C6orf120: variants seen among roughly 807,000 people sequenced by gnomAD.
C6orf120 encodes chromosome 6 open reading frame 120.
For missense variants in C6orf120, 311 were observed against 264.2 expected, an observed-to-expected ratio of 1.18 and a Z score of -1.23; for synonymous variants, 165 against 123.1, an observed-to-expected ratio of 1.34 and a Z score of -2.25.
At chr6:169,702,141 G>A (rs1429353209), upstream of C6orf120, 38 of 597,132 alleles carry the variant, frequency 6.4e-5, no homozygotes, top group Admixed American at 7.9e-4. Context: ...CGCCTCCGGC[G>A]AGGCTCCGGC....
exon 1 of C6orf120, chr6:169,702,232 C>G (rs372586600): frequency 7.1e-4 from 487 of 690,248 alleles, no homozygotes; most frequent in African/African-American, 6.1e-3. Context: ...CCTGCCCCTG[C>G]CCCTGCCCCT....
At chr6:169,704,160 C>T (rs1192850270) in exon 1 of C6orf120, 1 of 1,130,610 alleles carries the variant, frequency 8.8e-7, no homozygotes, top group Non-Finnish European at 1.2e-6. Flanking sequence ...CATCTAAACT[C>T]TTCTGCCTTA....
exon 1 of C6orf120, chr6:169,703,714 T>A (rs916052204): frequency 5.0e-6 from 2 of 398,464 alleles, no homozygotes; most frequent in Non-Finnish European, 9.2e-6. Flanking sequence ...ATTAGGAAGT[T>A]TCATGAAAAT....
exon 1 of C6orf120, chr6:169,703,909 CAAA>C: frequency 9.6e-7 from 1 of 1,038,272 alleles, no homozygotes; most frequent in South Asian, 1.7e-5. Context: ...TCATAATTTG[CAAA>C]AAAAATCTTT....
chr6:169,704,036 C>A, exon 1 of C6orf120: 1 of 1,600,082 alleles, frequency 6.2e-7, no homozygotes, highest in Non-Finnish European at 8.5e-7. Context: ...CCCTTCTGCC[C>A]ACTTTCCTGG....
chr6:169,704,296 AG>A (rs1316545821), exon 1 of C6orf120: 21 of 510,396 alleles, frequency 4.1e-5, no homozygotes, highest in Non-Finnish European at 6.9e-5. Context: ...TTGCAAGTCA[AG>A]GGGGATGGGA....
rs1376323874 is a variant in C6orf120, at chr6:169,702,426, C to T, written c.-34C>T. Reference sequence around the variant, plus strand: ...CCTCCGGTGTCCCCAGCAGCACTGACCCACTTGCAGGCCCCGGAGCTGAGC... The same window carrying T: ...CCTCCGGTGTCCCCAGCAGCACTGATCCACTTGCAGGCCCCGGAGCTGAGC... On this transcript the variant is annotated 5_prime_UTR_variant, in exon 1 of 1. Coordinates refer to ENST00000332290, the Ensembl canonical transcript of C6orf120. The T allele has an allele frequency of 2.2e-6, 3 of 1,344,918 alleles. No homozygotes were observed. In the East Asian group the frequency reaches 7.5e-5, roughly 34 times the overall value. 83.3% of individuals were successfully genotyped at this position (1,344,918 alleles called of 1,614,324 possible). A position where few individuals can be genotyped will look rare whatever the true frequency, so the allele number is the denominator to read the frequency against.
exon 1 of C6orf120, chr6:169,704,789 A>G (rs1196407835): frequency 3.1e-5 from 6 of 192,022 alleles, no homozygotes; most frequent in Non-Finnish European, 7.0e-5. Context: ...ATTTCTATAG[A>G]AATGTATAAA....
downstream of C6orf120, chr6:169,704,994 G>A (rs1788727726): frequency 3.6e-6 from 2 of 558,764 alleles, no homozygotes; most frequent in South Asian, 7.3e-5. Flanking sequence ...GACATGACCT[G>A]TATAATCACA....
At chr6:169,705,076 A>C (rs1788731784), downstream of C6orf120, 3 of 1,313,470 alleles carry the variant, frequency 2.3e-6, no homozygotes, top group Non-Finnish European at 3.2e-6. Context: ...AGCCTTTTGG[A>C]GTGCTGGGAG....
chr6:169,703,102 C>T, exon 1 of C6orf120: 1 of 1,454,368 alleles, frequency 6.9e-7, no homozygotes, highest in Non-Finnish European at 9.3e-7. Context: ...TGCTGTGAAC[C>T]TTGCTACTTG....
rs768788859 is a variant in C6orf120, at chr6:169,704,076, C to A, written c.*1041C>A. ...TGGGGGGGCCCGCTGACAACAGTCA[C>A]AAATCCAGCGACCTAGGAAAAAAAT... On this transcript the variant is annotated 3_prime_UTR_variant, in exon 1 of 1. Transcript: ENST00000332290. The A allele has an allele frequency of 3.8e-6, 6 of 1,579,244 alleles. No homozygotes were observed. The highest frequency in any genetic ancestry group is 1.4e-5 in the African/African-American group (1 of 72,366).
downstream of C6orf120, chr6:169,705,063 T>G (rs1788731244): frequency 1.7e-6 from 2 of 1,179,742 alleles, no homozygotes; most frequent in East Asian, 4.8e-5. Flanking sequence ...ATAGCGTTTA[T>G]GCAGCCTTTT....
chr6:169,703,863 C>T (rs1169006132), exon 1 of C6orf120: 6 of 643,958 alleles, frequency 9.3e-6, no homozygotes, highest in African/African-American at 2.0e-5. Flanking sequence ...CGAGAGTAAG[C>T]GTAGCTTTTA....
exon 1 of C6orf120, chr6:169,702,893 G>T: frequency 1.2e-6 from 2 of 1,611,984 alleles, no homozygotes; most frequent in Non-Finnish European, 1.7e-6. Flanking sequence ...CACCCGTTCG[G>T]CGAGGCCGCC....
downstream of C6orf120, chr6:169,705,212 A>G (rs1441892714): frequency 2.5e-6 from 4 of 1,613,786 alleles, no homozygotes; most frequent in African/African-American, 1.3e-5. Context: ...TTTCTTCTTC[A>G]TGGTGGGGTT....
At chr6:169,705,336 G>T, downstream of C6orf120, 1 of 1,551,692 alleles carries the variant, frequency 6.4e-7, no homozygotes, top group Non-Finnish European at 8.8e-7. Context: ...ATCAAAACCA[G>T]TATTAGTGGT....
exon 1 of C6orf120, chr6:169,702,993 A>G (rs764766342): frequency 2.5e-6 from 4 of 1,578,486 alleles, no homozygotes; most frequent in Admixed American, 1.9e-5. Context: ...TCTGGACGAT[A>G]TTAATTAGCA....
At chr6:169,705,052 G>C, downstream of C6orf120, 1 of 1,031,836 alleles carries the variant, frequency 9.7e-7, no homozygotes, top group Non-Finnish European at 1.4e-6. Flanking sequence ...TTCATGTCAT[G>C]ATAGCGTTTA....
Sources: allele counts gnomAD v4.1 joint callset, GRCh38; gene constraint gnomAD v4.1.1; transcripts MANE v1.5; gene names NCBI Gene and HGNC (gene_info 2026-07-23, HGNC 2026-07-21).